Variants in TFIP11 observed in about 807,000 individuals in gnomAD.
The protein encoded by TFIP11 is tuftelin interacting protein 11.
Under a neutral mutation model 96.8 loss-of-function variants are expected in TFIP11, and 86 were observed. That is an observed-to-expected ratio of 0.89 (90% CI 0.75 to 1.06). The LOEUF is 1.06. Ranked by LOEUF, TFIP11 falls within the 50% of genes least tolerant of loss-of-function variation. The probability of loss-of-function intolerance (pLI) is 0.00; values close to 1 mark genes in which losing one functional copy is unlikely to be tolerated. For missense variants in TFIP11, 881 were observed against 1,076.7 expected (o/e 0.82, Z 2.54); for synonymous variants, 405 against 395.2 (o/e 1.02, Z -0.29).
intron 10 of TFIP11, among the ~76,000 whole-genome samples, chr22:26,497,652 C>T (rs890232181): frequency 2.0e-5 from 3 of 152,068 alleles, no homozygotes; most frequent in Non-Finnish European, 2.9e-5. Context: ...CCAAGGCAGG[C>T]GGATCACGAG....
intron 4 of TFIP11, among the ~76,000 whole-genome samples, chr22:26,509,104 A>G (rs970622804): frequency 1.3e-5 from 2 of 152,194 alleles, no homozygotes; most frequent in Non-Finnish European, 2.9e-5. Flanking sequence ...CTGTGGCTCC[A>G]TGCCTATTGA....
chr22:26,498,642 C>T (rs1922362028), intron 10 of TFIP11: 2 of 460,792 alleles, frequency 4.3e-6, no homozygotes, highest in Admixed American at 7.2e-5. Context: ...AGAACTTACT[C>T]ATGTAACCAA....
chr22:26,499,568 G>A lies in TFIP11; in HGVS notation c.865C>T (p.His289Tyr), dbSNP rs1049215867. ...YYSYSQISHK[H>Y]NVPDDGLPLQ... ...GGCAGCCCATCATCGGGAACGTTGTGCTTGTGGCTGATCTGACTGTAGCTG... is the reference window on the plus strand; with the variant it reads ...GGCAGCCCATCATCGGGAACGTTGTACTTGTGGCTGATCTGACTGTAGCTG... The change falls in exon 9 of 15, where the codon CAC becomes TAC. Residue 289 changes from histidine to tyrosine, a missense_variant. By Grantham distance (83) the His-to-Tyr change is moderately conservative. Coordinates refer to ENST00000407690, the MANE Select transcript of TFIP11 (RefSeq NM_012143.4). The A allele has an allele frequency of 1.2e-6, 2 of 1,614,144 alleles. No homozygotes were observed. Among genetic ancestry groups the A allele is most frequent in the African/African-American group, 1.3e-5 (1 of 75,070 alleles).
chr22:26,499,391 T>C lies in TFIP11; in HGVS notation c.1042A>G (p.Met348Val). ...AGCTCGTGGAAGAGGTTGACCACCA[T>C]GTCCCGCTCATACTGTAGCTGCCGG... ...NDRQLQYERDMVVNLFHELEK... is the reference protein window; with the variant it reads ...NDRQLQYERDVVVNLFHELEK... The change falls in exon 9 of 15, where the codon ATG (methionine) becomes GTG (valine). Residue 348 changes from methionine (M) to valine (V), a missense_variant. Coordinates refer to ENST00000407690, the MANE Select transcript of TFIP11 (RefSeq NM_012143.4). 1.2e-6 allele frequency: 2 copies of C among 1,614,110 alleles called. No individual in the cohort carries two copies. The highest frequency in any genetic ancestry group is 1.1e-5 in the South Asian group (1 of 91,078).
chr22:26,495,260 C>CTTTTGT, intron 12 of TFIP11, among the ~76,000 whole-genome samples: 1 of 59,156 alleles, frequency 1.7e-5, no homozygotes. Flanking sequence ...CAACTCCTGG[C>CTTTTGT]TTTTTTTTTT....
At chr22:26,492,726 G>A (rs1921367035) in intron 14 of TFIP11, 1 of 234,818 alleles carries the variant, frequency 4.3e-6, no homozygotes, top group South Asian at 6.6e-5. Context: ...CACCAAAGAG[G>A]CAGCTTTTAG....
rs999454431 is a variant in TFIP11, at chr22:26,491,625, C to T, written c.*388G>A. The T allele has an allele frequency of 1.2e-6, 2 of 1,613,754 alleles. No homozygotes were observed. Among genetic ancestry groups the T allele is most frequent in the African/African-American group, 2.7e-5 (2 of 74,918 alleles). The stretch of plus-strand genomic sequence containing the variant: ...ACCAGATTATCAGGACTGTGAGGAC[C>T]TTGAAATCATCAGGAACAAGAGAGA... On this transcript the variant is annotated 3_prime_UTR_variant, in exon 15 of 15. Transcript: ENST00000407690.
chr22:26,494,672 A>C, intron 13 of TFIP11, 125 bp downstream of exon 13: 2 of 1,369,450 alleles, frequency 1.5e-6, no homozygotes, highest in Non-Finnish European at 2.0e-6. Flanking sequence ...GACCTAACTC[A>C]TTCCTACCCT....
chr22:26,504,627 G>A (rs73421323), intron 6 of TFIP11, among the ~76,000 whole-genome samples: 2,202 of 152,206 alleles, frequency 0.014, 55 homozygotes, highest in African/African-American at 0.05. Context: ...ATCATGCCAT[G>A]CCATTGCACT....
At position 26,494,913 on chromosome 22, in the gene TFIP11, T is replaced by C. The variant is rs373450619; in HGVS notation, c.1876A>G (p.Asn626Asp). 7.4e-6 allele frequency: 12 copies of C among 1,614,078 alleles called. No individual in the cohort carries two copies. Among genetic ancestry groups the C allele is most frequent in the African/African-American group, 2.7e-5 (2 of 74,918 alleles). ...GCATCCATGTGCTGCTGGTGGGGGTTAATGACTAGCTCACCAAGACACATC... is the reference window on the plus strand; with the variant it reads ...GCATCCATGTGCTGCTGGTGGGGGTCAATGACTAGCTCACCAAGACACATC... ...LGMCLGELVINPHQQHMDAFY... is the reference protein window; with the variant it reads ...LGMCLGELVIDPHQQHMDAFY... Residue 626 changes from asparagine to aspartate, a missense_variant, in exon 13 of 15, where the codon AAC (asparagine) becomes GAC (aspartate). Coordinates refer to ENST00000407690, the MANE Select transcript of TFIP11 (RefSeq NM_012143.4).
intron 2 of TFIP11, chr22:26,511,845 A>C (rs923923594): frequency 2.6e-5 from 4 of 152,216 alleles, no homozygotes; most frequent in African/African-American, 9.6e-5. Context: ...TTAGGACAGA[A>C]GGATTTTCAG....
intron 8 of TFIP11, among the ~76,000 whole-genome samples, chr22:26,501,343 C>T (rs946131003): frequency 3.3e-5 from 5 of 152,242 alleles, no homozygotes; most frequent in African/African-American, 1.2e-4. Flanking sequence ...ATTTAAATGC[C>T]TTAAGTACTT....
At chr22:26,508,022 C>T (rs1330139820) in intron 4 of TFIP11, among the ~76,000 whole-genome samples, 2 of 152,106 alleles carry the variant, frequency 1.3e-5, no homozygotes, top group African/African-American at 2.4e-5. Context: ...GCATGAGAAA[C>T]GCTTGAACCC....
At chr22:26,494,716 C>CTTGGCAGG (rs1921697712) in intron 13 of TFIP11, 81 bp downstream of exon 13, 1 of 1,575,722 alleles carries the variant, frequency 6.3e-7, no homozygotes, top group Admixed American at 1.7e-5. Flanking sequence ...GGAATTGTAC[C>CTTGGCAGG]TACAGTCAGG....
At position 26,505,216 on chromosome 22, in the gene TFIP11, CTGTT is replaced by C. The variant is rs543740690; in HGVS notation, c.520+1083_520+1086del. 4.0e-3 allele frequency among the ~76,000 whole-genome samples: 612 copies of C among 152,162 alleles called. 2 individuals are homozygous for C. Among genetic ancestry groups the C allele is most frequent in the Admixed American group, 7.1e-3 (109 of 15,274 alleles). ...AAATGTTCCTGTAGGAAGAATCCAA[CTGTT>C]TGGTTTGAGAGGCTTTGGTCTCAAG... On this transcript the variant is annotated intron_variant, in intron 6 of 14. Transcript: ENST00000407690.
intron 13 of TFIP11, 117 bp downstream of exon 13, chr22:26,494,680 C>T: frequency 1.4e-6 from 2 of 1,415,002 alleles, no homozygotes; most frequent in Middle Eastern, 1.9e-4. Flanking sequence ...TCATTCCTAC[C>T]CTACCATGTA....
At chr22:26,508,630 C>T (rs1923696921) in intron 4 of TFIP11, among the ~76,000 whole-genome samples, 2 of 151,962 alleles carry the variant, frequency 1.3e-5, no homozygotes, top group African/African-American at 4.8e-5. Flanking sequence ...CCGAGGCAGG[C>T]GGATGACAAG....
In TFIP11 at chr22:26,510,056, G is replaced by C; in HGVS notation, c.209+8C>G. The stretch of plus-strand genomic sequence containing the variant: ...GCAAGGTGAAGCAGCCCCCATGCCA[G>C]GCAATACCGTTTGCCTCCAAAGCTG... On this transcript the variant is annotated splice_region_variant and intron_variant, in intron 4 of 14. Coordinates refer to ENST00000407690, the MANE Select transcript of TFIP11 (RefSeq NM_012143.4). The C allele has an allele frequency of 6.2e-7, 1 of 1,612,780 alleles. No homozygotes were observed.
At chr22:26,502,111 A>T in intron 7 of TFIP11, 59 bp from the exon 8 acceptor site, 6 of 1,603,278 alleles carry the variant, frequency 3.7e-6, no homozygotes, top group Non-Finnish European at 5.1e-6. Flanking sequence ...ACCACAGGTG[A>T]GGTAGCTGAG....
Sources: allele counts gnomAD v4.1 joint callset (sites outside exome capture counted in the v4.1 genomes callset), GRCh38; gene constraint gnomAD v4.1.1; transcripts MANE v1.5; gene names NCBI Gene and HGNC (gene_info 2026-07-23, HGNC 2026-07-21).